SLC30A6: variants seen among roughly 807,000 people sequenced by gnomAD.
SLC30A6 encodes the protein zinc transporter 6.
In SLC30A6, 55 loss-of-function variants were observed where a neutral mutation model predicts 63.0. The ratio of observed to expected loss-of-function variants is 0.87; its 90% confidence interval spans 0.70 to 1.09. The LOEUF (loss-of-function observed/expected upper bound fraction) is 1.09. SLC30A6 is among the 50% of genes least tolerant of loss of function. The probability of loss-of-function intolerance (pLI) is 0.00; values close to 1 mark genes in which losing one functional copy is unlikely to be tolerated. For missense variants in SLC30A6, 587 were observed against 549.2 expected (o/e 1.07, Z -0.69); for synonymous variants, 224 against 186.1 (o/e 1.20, Z -1.66).
At chr2:32,217,744 G>A (rs1439968889) in intron 13 of SLC30A6, among the ~76,000 whole-genome samples, 2 of 151,954 alleles carry the variant, frequency 1.3e-5, no homozygotes, top group African/African-American at 4.8e-5. Context: ...TCTTTGAGCA[G>A]TGTTTCATAG....
In SLC30A6 at chr2:32,206,478, G is replaced by C. The variant is rs963618173; in HGVS notation, c.769-408G>C. On this transcript the variant is annotated intron_variant, in intron 11 of 13. Transcript: ENST00000282587. Reference sequence around the variant, plus strand: ...GGCAGTTTCCCAGGGCCGGATGTGCGTGTAAGCACTGTGGTTCCTTCTGTC... The same window carrying C: ...GGCAGTTTCCCAGGGCCGGATGTGCCTGTAAGCACTGTGGTTCCTTCTGTC... Among the ~76,000 whole-genome samples, 4 of 151,342 alleles carry C rather than the reference G, an allele frequency of 2.6e-5. No homozygotes were observed. In the East Asian group the frequency reaches 5.8e-4, roughly 22 times the overall value.
chr2:32,196,743 A>G (rs1298478317), intron 8 of SLC30A6, among the ~76,000 whole-genome samples: 1 of 152,112 alleles, frequency 6.6e-6, no homozygotes, highest in Admixed American at 6.6e-5. Flanking sequence ...TTCTCAGCAC[A>G]CTAGTTAGGA....
At chr2:32,212,678 C>T (rs1030546890) in intron 13 of SLC30A6, among the ~76,000 whole-genome samples, 24 of 143,968 alleles carry the variant, frequency 1.7e-4, no homozygotes, top group African/African-American at 6.2e-4. Context: ...CTCACTGCAA[C>T]CTCCGCCTCC....
intron 1 of SLC30A6, among the ~76,000 whole-genome samples, chr2:32,169,659 G>C (rs1048895266): frequency 6.6e-6 from 1 of 152,158 alleles, no homozygotes; most frequent in Non-Finnish European, 1.5e-5. Context: ...GGTACCTGTA[G>C]TCCCAGCTAC....
intron 10 of SLC30A6, chr2:32,202,254 G>T: frequency 1.5e-6 from 1 of 683,900 alleles, no homozygotes; most frequent in Non-Finnish European, 2.3e-6. Context: ...CTCAAGCACA[G>T]ACGGGAACAG....
At chr2:32,219,285 C>T (rs575121153) in intron 13 of SLC30A6, among the ~76,000 whole-genome samples, 1 of 151,856 alleles carries the variant, frequency 6.6e-6, no homozygotes, top group Admixed American at 6.6e-5. Context: ...ATCCGCCCAC[C>T]TCAGCCTCCC....
intron 13 of SLC30A6, among the ~76,000 whole-genome samples, chr2:32,211,086 T>G (rs939606215): frequency 5.3e-5 from 8 of 152,232 alleles, no homozygotes; most frequent in African/African-American, 1.9e-4. Context: ...GCTGTATGTG[T>G]GTAATGAGAC....
At chr2:32,179,491 T>G (rs1454766809) in intron 4 of SLC30A6, among the ~76,000 whole-genome samples, 2 of 152,202 alleles carry the variant, frequency 1.3e-5, no homozygotes, top group Non-Finnish European at 2.9e-5. Context: ...TACATATTGC[T>G]TCATTTCCAG....
rs1324102591 is a variant in SLC30A6, at chr2:32,213,806, TTTTTGTTTTTG to T, written c.885+4251_885+4261del. Reference sequence around the variant, plus strand: ...CAGGTCTAGGATAAACTTTTTTTTTTTTTTGTTTTTGTTTTGAGACGGAGTCTCACACTGTC... The same window carrying T: ...CAGGTCTAGGATAAACTTTTTTTTTTTTTTGAGACGGAGTCTCACACTGTC... On this transcript the variant is annotated intron_variant, in intron 13 of 13. Transcript: ENST00000282587. 2.4e-5 allele frequency among the ~76,000 whole-genome samples: 3 copies of T among 126,524 alleles called. 1 individual carries two copies. Among genetic ancestry groups the T allele is most frequent in the African/African-American group, 6.3e-5 (2 of 31,808 alleles). The allele number at this position is 126,524 out of a possible 152,430, so 83.0% of individuals were successfully genotyped here.
intron 10 of SLC30A6, chr2:32,203,316 AAGT>A: frequency 1.1e-6 from 1 of 924,710 alleles, no homozygotes; most frequent in East Asian, 2.4e-5. Flanking sequence ...GTGGAACAAA[AAGT>A]AGGAATTACT....
chr2:32,170,509 T>C (rs1280584259), intron 1 of SLC30A6, among the ~76,000 whole-genome samples: 2 of 152,164 alleles, frequency 1.3e-5, no homozygotes, highest in Admixed American at 6.6e-5. Flanking sequence ...AACTATACAC[T>C]AGCAGGGGCC....
In SLC30A6 at chr2:32,173,921, A is replaced by G. The variant is rs937727798; in HGVS notation, c.91-142A>G. ...TAACTTAGCCGATGACAATTTTGGT[A>G]GATGTAGAAAGTGTGACACAGACTT... is the stretch of plus-strand genomic sequence containing the variant. On this transcript the variant is annotated intron_variant, in intron 2 of 13. Transcript: ENST00000282587. 4.9e-5 allele frequency: 26 copies of G among 526,442 alleles called. No homozygotes were observed. The South Asian group carries it at 9.9e-4, about 20-fold the overall frequency. 32.6% of individuals were successfully genotyped at this position (526,442 alleles called of 1,614,324 possible). A position where few individuals can be genotyped will look rare whatever the true frequency, so the allele number is the denominator to read the frequency against.
At chr2:32,189,291 T>C (rs1331328690) in intron 5 of SLC30A6, among the ~76,000 whole-genome samples, 1 of 150,722 alleles carries the variant, frequency 6.6e-6, no homozygotes, top group African/African-American at 2.4e-5. Flanking sequence ...CTTTTTTTTT[T>C]TTTTTTTTTC....
chr2:32,196,089 C>T lies in SLC30A6; in HGVS notation c.497-1255C>T, dbSNP rs149307990. Among the ~76,000 whole-genome samples, 805 of 152,122 alleles carry T rather than the reference C, an allele frequency of 5.3e-3. 3 individuals carry two copies. The highest frequency in any genetic ancestry group is 8.4e-3 in the Non-Finnish European group (572 of 67,990). The stretch of plus-strand genomic sequence containing the variant: ...CAGCAGTTTGGGAGACCAAGTCAGG[C>T]GGATCACAAGGTCAGCAGTTTGAGA... On this transcript the variant is annotated intron_variant, in intron 8 of 13. Transcript: ENST00000282587.
At chr2:32,172,954 T>C (rs1254701642) in intron 2 of SLC30A6, among the ~76,000 whole-genome samples, 1 of 152,216 alleles carries the variant, frequency 6.6e-6, no homozygotes, top group African/African-American at 2.4e-5. Context: ...TCACTCCGCC[T>C]TCCCTCCTAT....
chr2:32,203,255 G>T, intron 10 of SLC30A6: 1 of 972,232 alleles, frequency 1.0e-6, no homozygotes, highest in Non-Finnish European at 1.7e-6. Flanking sequence ...TGGACAGACA[G>T]GGATTTGTAT....
chr2:32,175,394 C>G (rs1286395793), intron 4 of SLC30A6, 33 bp downstream of exon 4: 11 of 1,590,034 alleles, frequency 6.9e-6, no homozygotes, highest in Non-Finnish European at 7.7e-6. Flanking sequence ...TGTTTTGGAG[C>G]TAATAAGGAA....
In SLC30A6 at chr2:32,205,789, T is replaced by A. The variant is rs1346758713; in HGVS notation, c.768+1097T>A. ...TTCAAGCGATTCTCCTACCTCAGCA[T>A]CCCGAGTAGCTGGGACTACAGCCAT... On this transcript the variant is annotated intron_variant, in intron 11 of 13. Coordinates refer to ENST00000282587, the MANE Select transcript of SLC30A6 (RefSeq NM_017964.5). 4.7e-5 allele frequency among the ~76,000 whole-genome samples: 7 copies of A among 149,410 alleles called. No homozygotes were observed. The East Asian group carries it at 1.5e-3, about 31-fold the overall frequency.
In SLC30A6 at chr2:32,220,440, C is replaced by T; in HGVS notation, c.1113C>T (p.Asn371=). ...TTTTAAAGGGTACTGATGATTTGAACCCAGTTACATCAACTCCAGCTAAAC... is the reference window on the plus strand; with the variant it reads ...TTTTAAAGGGTACTGATGATTTGAATCCAGTTACATCAACTCCAGCTAAAC... ...MPLLKGTDDL[N]PVTSTPAKPS... The change falls in exon 14 of 14, where the codon AAC becomes AAT. Residue 371 remains asparagine (N), a synonymous_variant. Transcript: ENST00000282587. The T allele has an allele frequency of 6.2e-7, 1 of 1,614,190 alleles. No homozygotes were observed. Among genetic ancestry groups the T allele is most frequent in the Non-Finnish European group, 8.5e-7 (1 of 1,180,026 alleles).
Sources: allele counts gnomAD v4.1 joint callset (sites outside exome capture counted in the v4.1 genomes callset), GRCh38; gene constraint gnomAD v4.1.1; transcripts MANE v1.5; gene names NCBI Gene and HGNC (gene_info 2026-07-23, HGNC 2026-07-21).